Variants in CSNK2A2IP observed in about 807,000 individuals in gnomAD.
CSNK2A2IP encodes casein kinase 2 subunit alpha' interacting protein.
At chr3:88,351,968 GT>G in the CSNK2A2IP span, among the ~76,000 whole-genome samples, 1 of 151,950 alleles carries the variant, frequency 6.6e-6, no homozygotes, top group East Asian at 1.9e-4. Context: ...GCATTAAAAC[GT>G]TTATTATTTT....
At chr3:88,402,745 G>C in the CSNK2A2IP span, among the ~76,000 whole-genome samples, 30 of 152,064 alleles carry the variant, frequency 2.0e-4, no homozygotes, top group East Asian at 4.6e-3. Flanking sequence ...TAAAAACAAG[G>C]ATGGGAAGTG....
the CSNK2A2IP span, among the ~76,000 whole-genome samples, chr3:88,347,506 A>C: frequency 6.6e-6 from 1 of 152,092 alleles, no homozygotes; most frequent in Non-Finnish European, 1.5e-5. Context: ...CTCCATCAGC[A>C]AAAACATTCC....
the CSNK2A2IP span, chr3:88,466,922 T>C: frequency 8.1e-7 from 1 of 1,231,282 alleles, no homozygotes; most frequent in Non-Finnish European, 1.0e-6. Flanking sequence ...TTAGTTCTTA[T>C]CCTTTCTCTA....
chr3:88,445,287 A>AAAAAAAAAAAAAAAAAAAAAAAT, the CSNK2A2IP span, among the ~76,000 whole-genome samples: 1 of 145,532 alleles, frequency 6.9e-6, no homozygotes, highest in Non-Finnish European at 1.5e-5. Context: ...AAAAAAAAAA[A>AAAAAAAAAAAAAAAAAAAAAAAT]AAAAAAAAAA....
the CSNK2A2IP span, among the ~76,000 whole-genome samples, chr3:88,387,963 A>G: frequency 1.3e-4 from 19 of 151,936 alleles, no homozygotes; most frequent in African/African-American, 4.6e-4. Context: ...TTGGCCTCAA[A>G]TGATCCTCCT....
chr3:88,383,307 A>G, the CSNK2A2IP span, among the ~76,000 whole-genome samples: 4 of 152,216 alleles, frequency 2.6e-5, no homozygotes, highest in African/African-American at 9.6e-5. Flanking sequence ...CATAATCTCT[A>G]ATCTAAAATC....
chr3:88,339,227 G>T, the CSNK2A2IP span, among the ~76,000 whole-genome samples: 1 of 151,348 alleles, frequency 6.6e-6, no homozygotes, highest in African/African-American at 2.4e-5. Context: ...ACCCTTCCCA[G>T]CCTCTGGTAA....
At chr3:88,428,896 TATA>T in the CSNK2A2IP span, among the ~76,000 whole-genome samples, 6 of 151,828 alleles carry the variant, frequency 4.0e-5, no homozygotes, top group African/African-American at 1.5e-4. Context: ...TACAGATATT[TATA>T]ATATTTATGT....
the CSNK2A2IP span, among the ~76,000 whole-genome samples, chr3:88,394,517 C>A: frequency 6.6e-6 from 1 of 152,250 alleles, no homozygotes. Context: ...GGATTACAGG[C>A]ATCCGCCACC....
At chr3:88,399,652 G>A in the CSNK2A2IP span, 1 of 152,126 alleles carries the variant, frequency 6.6e-6, no homozygotes, top group African/African-American at 2.4e-5. Flanking sequence ...ACTGGAGTAC[G>A]GCTTCCTACT....
At chr3:88,454,307 T>C in the CSNK2A2IP span, among the ~76,000 whole-genome samples, 1 of 150,866 alleles carries the variant, frequency 6.6e-6, no homozygotes, top group African/African-American at 2.4e-5. Context: ...GAGTTTTCTC[T>C]ATATATGATT....
the CSNK2A2IP span, among the ~76,000 whole-genome samples, chr3:88,347,608 T>C: frequency 6.6e-6 from 1 of 152,178 alleles, no homozygotes; most frequent in Non-Finnish European, 1.5e-5. Flanking sequence ...ATAATGCTAT[T>C]GCACAATTAA....
chr3:88,345,622 A>T, the CSNK2A2IP span, among the ~76,000 whole-genome samples: 1 of 151,826 alleles, frequency 6.6e-6, no homozygotes, highest in Non-Finnish European at 1.5e-5. Context: ...TGTTACTGTT[A>T]TAATTGTTTG....
chr3:88,464,639 A>G, the CSNK2A2IP span, among the ~76,000 whole-genome samples: 26 of 152,138 alleles, frequency 1.7e-4, no homozygotes, highest in African/African-American at 6.3e-4. Flanking sequence ...AAACTAAAAG[A>G]TGATAGTCAT....
At chr3:88,369,675 G>A in the CSNK2A2IP span, among the ~76,000 whole-genome samples, 2 of 151,930 alleles carry the variant, frequency 1.3e-5, no homozygotes, top group Non-Finnish European at 2.9e-5. Context: ...AGCAGGGAGA[G>A]AGTAGAGGTG....
chr3:88,356,238 C>A, the CSNK2A2IP span, among the ~76,000 whole-genome samples: 1 of 152,018 alleles, frequency 6.6e-6, no homozygotes, highest in Non-Finnish European at 1.5e-5. Context: ...ACTTTTTTAA[C>A]CCCTGCCTGT....
At chr3:88,462,828 G>A in the CSNK2A2IP span, among the ~76,000 whole-genome samples, 5 of 152,190 alleles carry the variant, frequency 3.3e-5, no homozygotes, top group Non-Finnish European at 5.9e-5. Flanking sequence ...TTTGGATAAC[G>A]AAGCTTGATT....
the CSNK2A2IP span, among the ~76,000 whole-genome samples, chr3:88,443,854 G>A: frequency 6.0e-5 from 9 of 150,434 alleles, no homozygotes; most frequent in African/African-American, 2.2e-4. Context: ...CTACTCACCA[G>A]TTTTCTCTGA....
At chr3:88,395,551 T>G in the CSNK2A2IP span, among the ~76,000 whole-genome samples, 1 of 152,228 alleles carries the variant, frequency 6.6e-6, no homozygotes, top group Admixed American at 6.5e-5. Flanking sequence ...AACATAAATT[T>G]GCTTTTTCTT....
Sources: allele counts gnomAD v4.1 joint callset (sites outside exome capture counted in the v4.1 genomes callset), GRCh38; gene constraint gnomAD v4.1.1; transcripts MANE v1.5; gene names NCBI Gene and HGNC (gene_info 2026-07-23, HGNC 2026-07-21).